The following VAC14 variants were observed in gnomAD, a reference collection of about 807,000 sequenced individuals.
VAC14 encodes the protein VAC14 component of PIKFYVE complex, also known as protein VAC14 homolog.
A neutral mutation model predicts 85.3 loss-of-function variants in VAC14; 47 were observed. That is an observed-to-expected ratio of 0.55 (90% CI 0.44 to 0.70). The LOEUF (loss-of-function observed/expected upper bound fraction) is 0.70. Among genes scored for constraint, VAC14 ranks in the 30% least tolerant of loss-of-function variants. The probability of loss-of-function intolerance (pLI) is 0.00; values close to 1 mark genes in which losing one functional copy is unlikely to be tolerated. For synonymous variants in VAC14, 447 were observed against 430.5 expected, an observed-to-expected ratio of 1.04 and a Z score of -0.47; for missense variants, 861 against 1,004.3, an observed-to-expected ratio of 0.86 and a Z score of 1.93.
chr16:70,767,705 C>G (rs2032923113), intron 10 of VAC14, among the ~76,000 whole-genome samples: 1 of 152,192 alleles, frequency 6.6e-6, no homozygotes. Flanking sequence ...TCCAGCTTGG[C>G]TACTAATTAG....
At chr16:70,794,237 G>C (rs916920672) in intron 1 of VAC14, among the ~76,000 whole-genome samples, 1 of 152,138 alleles carries the variant, frequency 6.6e-6, no homozygotes, top group Non-Finnish European at 1.5e-5. Flanking sequence ...GTCAATTGTA[G>C]AACATTTTTT....
intron 14 of VAC14, among the ~76,000 whole-genome samples, chr16:70,706,797 T>C (rs2053928580): frequency 6.6e-6 from 1 of 152,188 alleles, no homozygotes; most frequent in African/African-American, 2.4e-5. Flanking sequence ...TGGATAGCCC[T>C]TGTTTCCTTT....
intron 13 of VAC14, among the ~76,000 whole-genome samples, chr16:70,737,177 G>A (rs1462767193): frequency 1.3e-5 from 2 of 152,138 alleles, no homozygotes; most frequent in Non-Finnish European, 2.9e-5. Flanking sequence ...CTGCTCTTCC[G>A]CCCACCTCCG....
In VAC14 at chr16:70,687,692, G is replaced by T; in HGVS notation, c.*236C>A. Reference sequence around the variant, plus strand: ...GTCTCTGAGGCTATAGCCCCCCACTGGGTGGGCAGCCAGCTCTGTGAGAAT... The same window carrying T: ...GTCTCTGAGGCTATAGCCCCCCACTTGGTGGGCAGCCAGCTCTGTGAGAAT... On this transcript the variant is annotated 3_prime_UTR_variant, in exon 19 of 19. Transcript: ENST00000261776. 5.0e-6 allele frequency: 2 copies of T among 401,928 alleles called. No homozygotes were observed. The highest frequency in any genetic ancestry group is 8.6e-6 in the Non-Finnish European group (2 of 231,252). 24.9% of individuals were successfully genotyped at this position (401,928 alleles called of 1,614,324 possible). A position where few individuals can be genotyped will look rare whatever the true frequency, so the allele number is the denominator to read the frequency against.
chr16:70,790,778 T>A (rs549324085), intron 1 of VAC14, among the ~76,000 whole-genome samples: 1 of 152,188 alleles, frequency 6.6e-6, no homozygotes, highest in African/African-American at 2.4e-5. Context: ...CCCAGGCCAC[T>A]ACAAAAATGA....
At position 70,687,824 on chromosome 16, in the gene VAC14, C is replaced by T; in HGVS notation, c.*104G>A. 7.9e-7 allele frequency: 1 copy of T among 1,262,034 alleles called. No homozygotes were observed. The highest frequency in any genetic ancestry group is 1.0e-6 in the Non-Finnish European group (1 of 983,806). 78.2% of individuals were successfully genotyped at this position (1,262,034 alleles called of 1,614,324 possible). A position where few individuals can be genotyped will look rare whatever the true frequency, so the allele number is the denominator to read the frequency against. ...CAACACTGCCCTGGGTTGGCAGGCCCAGCCCTGGTCCTGACAGGCAGGTCC... is the reference window on the plus strand; with the variant it reads ...CAACACTGCCCTGGGTTGGCAGGCCTAGCCCTGGTCCTGACAGGCAGGTCC... On this transcript the variant is annotated 3_prime_UTR_variant, in exon 19 of 19. Transcript: ENST00000261776.
chr16:70,746,096 A>C (rs528334856), intron 12 of VAC14, among the ~76,000 whole-genome samples: 2 of 152,334 alleles, frequency 1.3e-5, no homozygotes, highest in Admixed American at 1.3e-4. Context: ...CCCCCTCAAA[A>C]GCCATTCCTG....
chr16:70,696,685 C>A (rs2142991423), intron 16 of VAC14, among the ~76,000 whole-genome samples: 1 of 152,308 alleles, frequency 6.6e-6, no homozygotes, highest in East Asian at 1.9e-4. Context: ...TGGGCTGAAG[C>A]CTGCAGGCTC....
At chr16:70,758,584 C>T (rs1357743407) in intron 12 of VAC14, among the ~76,000 whole-genome samples, 1 of 152,310 alleles carries the variant, frequency 6.6e-6, no homozygotes, top group African/African-American at 2.4e-5. Context: ...GCCCCCATCC[C>T]GTGGATACTC....
chr16:70,739,493 C>G (rs1597913574), intron 13 of VAC14, among the ~76,000 whole-genome samples: 1 of 152,174 alleles, frequency 6.6e-6, no homozygotes, highest in Admixed American at 6.5e-5. Flanking sequence ...TGGCCTGGCC[C>G]CTCTCCTCCT....
chr16:70,765,555 A>G (rs1055827619), intron 10 of VAC14, among the ~76,000 whole-genome samples: 6 of 152,186 alleles, frequency 3.9e-5, no homozygotes, highest in Non-Finnish European at 8.8e-5. Context: ...ACTGAAGCAC[A>G]CAGATAGGAA....
intron 14 of VAC14, among the ~76,000 whole-genome samples, chr16:70,709,811 A>G (rs564810214): frequency 6.6e-6 from 1 of 152,288 alleles, no homozygotes; most frequent in East Asian, 1.9e-4. Context: ...AGACATGGCC[A>G]AGGCTGGTGC....
In VAC14 at chr16:70,733,166, G is replaced by A. The variant is rs540054092; in HGVS notation, c.1529-1539C>T. ...CATTCTCACTTCCATGGCCCCTAGCGATCACTCATCTACCTTCCGTCTCTA... is the reference window on the plus strand; with the variant it reads ...CATTCTCACTTCCATGGCCCCTAGCAATCACTCATCTACCTTCCGTCTCTA... On this transcript the variant is annotated intron_variant, in intron 13 of 18. Coordinates refer to ENST00000261776, the MANE Select transcript of VAC14 (RefSeq NM_018052.5). Among the ~76,000 whole-genome samples the A allele has an allele frequency of 3.3e-5, 5 of 152,204 alleles. 1 individual carries two copies. In the South Asian group the frequency reaches 1.0e-3, roughly 32 times the overall value.
chr16:70,788,822 C>G (rs1263201811), intron 1 of VAC14, among the ~76,000 whole-genome samples: 1 of 152,192 alleles, frequency 6.6e-6, no homozygotes, highest in African/African-American at 2.4e-5. Context: ...AGAGATCCTG[C>G]TAGAGGAGCC....
intron 13 of VAC14, among the ~76,000 whole-genome samples, chr16:70,735,643 C>A (rs1312901968): frequency 1.3e-5 from 2 of 152,246 alleles, no homozygotes; most frequent in Non-Finnish European, 2.9e-5. Flanking sequence ...GGATTCCTTA[C>A]CAAGAGCCAC....
intron 18 of VAC14, among the ~76,000 whole-genome samples, chr16:70,692,336 G>GA (rs2053612713): frequency 6.6e-6 from 1 of 151,910 alleles, no homozygotes; most frequent in South Asian, 2.1e-4. Context: ...TCCTAGCAAT[G>GA]ATGGGGTCTC....
rs1029019592 is a variant in VAC14 at position 70,744,596 on chromosome 16, G to A, written c.1372-17C>T. 1.9e-6 allele frequency: 3 copies of A among 1,573,786 alleles called. No individual in the cohort carries two copies. The highest frequency in any genetic ancestry group is 2.7e-5 in the African/African-American group (2 of 73,808). On this transcript the variant is annotated splice_polypyrimidine_tract_variant and intron_variant, in intron 12 of 18. Transcript: ENST00000261776. ...CAGGATCACCTGGGGAGAGAAGCGG[G>A]GCAGGAGGGATGAGCTCTCCGCTGA...
At chr16:70,737,443 G>C (rs2054794922) in intron 13 of VAC14, among the ~76,000 whole-genome samples, 1 of 152,196 alleles carries the variant, frequency 6.6e-6, no homozygotes, top group Non-Finnish European at 1.5e-5. Flanking sequence ...TCTTTGAGGG[G>C]CCCAGGAGAG....
At position 70,801,004 on chromosome 16, in the gene VAC14, T is replaced by C. The variant is rs1480070022; in HGVS notation, c.-104A>G. On this transcript the variant is annotated 5_prime_UTR_variant, in exon 1 of 19. The change abolishes an upstream ATG in the 5' untranslated region. Transcript: ENST00000261776. ...CCGCTCTGCCCCCGGCGCCGGCGCA[T>C]GGACCACGCCGCTCTAGGCTTGCCT... The C allele has an allele frequency of 2.8e-6, 2 of 718,128 alleles. No individual in the cohort carries two copies. The highest frequency in any genetic ancestry group is 4.2e-6 in the Non-Finnish European group (2 of 476,362). The allele number at this position is 718,128 out of a possible 1,614,324, so 44.5% of individuals were successfully genotyped here. A position where few individuals can be genotyped will look rare whatever the true frequency, so the allele number is the denominator to read the frequency against.
Sources: gnomAD v4.1 joint callset for allele counts (sites outside exome capture counted in the v4.1 genomes callset) on GRCh38, gnomAD v4.1.1 for gene constraint, MANE v1.5 for transcripts, NCBI Gene and HGNC (gene_info 2026-07-23, HGNC 2026-07-21) for gene names.